Variants in HS6ST3 observed in about 807,000 individuals in gnomAD.
The protein encoded by HS6ST3 is heparan-sulfate 6-O-sulfotransferase 3.
A neutral mutation model predicts 36.7 loss-of-function variants in HS6ST3; 12 were observed. That is an observed-to-expected ratio of 0.33 (90% CI 0.21 to 0.53). The LOEUF is 0.53. HS6ST3 is among the 20% of genes least tolerant of loss of function. The pLI is 0.95. For synonymous variants in HS6ST3, 240 were observed against 257.5 expected, an observed-to-expected ratio of 0.93 and a Z score of 0.65; for missense variants, 584 against 640.9, an observed-to-expected ratio of 0.91 and a Z score of 0.96.
At chr13:96,754,686 T>C (rs1876780976) in intron 1 of HS6ST3, among the ~76,000 whole-genome samples, 3 of 152,210 alleles carry the variant, frequency 2.0e-5, no homozygotes, top group Non-Finnish European at 4.4e-5. Context: ...TCTTCTGGCT[T>C]CCAGTGTTTC....
At chr13:96,612,114 G>A (rs2056458992) in intron 1 of HS6ST3, among the ~76,000 whole-genome samples, 1 of 152,090 alleles carries the variant, frequency 6.6e-6, no homozygotes, top group South Asian at 2.1e-4. Context: ...AGATATGGTG[G>A]GCAAAGAATG....
intron 1 of HS6ST3, among the ~76,000 whole-genome samples, chr13:96,815,690 G>A (rs1401278033): frequency 6.6e-6 from 1 of 152,016 alleles, no homozygotes; most frequent in African/African-American, 2.4e-5. Context: ...GATGCACTAC[G>A]AAAGGGGAAG....
intron 1 of HS6ST3, among the ~76,000 whole-genome samples, chr13:96,230,639 G>A (rs570163140): frequency 6.6e-6 from 1 of 152,156 alleles, no homozygotes; most frequent in Non-Finnish European, 1.5e-5. Context: ...GAGCATAGGA[G>A]CAGTATGGAA....
intron 1 of HS6ST3, among the ~76,000 whole-genome samples, chr13:96,769,284 C>T (rs1877197847): frequency 6.6e-6 from 1 of 152,030 alleles, no homozygotes; most frequent in Non-Finnish European, 1.5e-5. Flanking sequence ...TGAGAACATT[C>T]CTGACTTTAT....
At position 96,835,625 on chromosome 13, in the gene HS6ST3, A is replaced by ACACACC. The variant is rs1265285028; in HGVS notation, c.*2432_*2433insCCACAC. 185 of 152,276 alleles carry ACACACC rather than the reference A, an allele frequency of 1.2e-3. 2 individuals carry two copies. Among genetic ancestry groups the ACACACC allele is most frequent in the African/African-American group, 4.3e-3 (179 of 41,438 alleles). 9.4% of individuals were successfully genotyped at this position (152,276 alleles called of 1,614,324 possible). On this transcript the variant is annotated 3_prime_UTR_variant, in exon 2 of 2. Coordinates refer to ENST00000376705, the MANE Select transcript of HS6ST3 (RefSeq NM_153456.4). ...CTGTGACACACACACACACACACAC[A>ACACACC]CACACACACAAACAATCCAGTGTTT...
chr13:96,579,126 A>C (rs2056332644), intron 1 of HS6ST3, among the ~76,000 whole-genome samples: 1 of 152,156 alleles, frequency 6.6e-6, no homozygotes, highest in African/African-American at 2.4e-5. Context: ...GATAGTATAT[A>C]TATATTTTAC....
At chr13:96,739,314 A>G (rs1433979435) in intron 1 of HS6ST3, among the ~76,000 whole-genome samples, 1 of 150,656 alleles carries the variant, frequency 6.6e-6, no homozygotes, top group Non-Finnish European at 1.5e-5. Flanking sequence ...TCACAGCCTC[A>G]AATATCACCT....
At chr13:96,094,240 A>G (rs993197381) in intron 1 of HS6ST3, among the ~76,000 whole-genome samples, 3 of 152,208 alleles carry the variant, frequency 2.0e-5, no homozygotes, top group Non-Finnish European at 4.4e-5. Flanking sequence ...AAATGAATCA[A>G]TGCATGCAAA....
chr13:96,396,372 A>C (rs2139454853), intron 1 of HS6ST3, among the ~76,000 whole-genome samples: 1 of 152,088 alleles, frequency 6.6e-6, no homozygotes, highest in East Asian at 1.9e-4. Flanking sequence ...CATCTATAGG[A>C]TATCTAGTAT....
chr13:96,593,174 CTTTTTTTTTTTTTTTTTTT>C (rs35380296), intron 1 of HS6ST3, among the ~76,000 whole-genome samples: 1 of 46,622 alleles, frequency 2.1e-5, no homozygotes, highest in East Asian at 8.6e-4. Flanking sequence ...TTCTTTCTTT[CTTTTTTTTTTTTTTTTTTT>C]TTTTTTTTGA....
chr13:96,816,949 C>T (rs1202074413), intron 1 of HS6ST3, among the ~76,000 whole-genome samples: 1 of 152,042 alleles, frequency 6.6e-6, no homozygotes, highest in Non-Finnish European at 1.5e-5. Context: ...TTATTCTGCC[C>T]AGGTGTGGTA....
intron 1 of HS6ST3, among the ~76,000 whole-genome samples, chr13:96,766,029 A>C (rs2138503864): frequency 6.6e-6 from 1 of 152,344 alleles, no homozygotes; most frequent in East Asian, 1.9e-4. Flanking sequence ...TCAATCAGTC[A>C]GAGCTACTAA....
intron 1 of HS6ST3, among the ~76,000 whole-genome samples, chr13:96,105,414 G>T (rs2053837177): frequency 6.6e-6 from 1 of 152,186 alleles, no homozygotes; most frequent in Non-Finnish European, 1.5e-5. Context: ...ACTTTGGGAG[G>T]CTGAGGCAGG....
At chr13:96,794,476 G>A (rs1354328546) in intron 1 of HS6ST3, among the ~76,000 whole-genome samples, 3 of 152,026 alleles carry the variant, frequency 2.0e-5, no homozygotes, top group African/African-American at 7.2e-5. Flanking sequence ...TTGTGGCCAA[G>A]TTTTTAAAAT....
chr13:96,402,929 AG>A (rs2055458923), intron 1 of HS6ST3, among the ~76,000 whole-genome samples: 1 of 152,210 alleles, frequency 6.6e-6, no homozygotes, highest in Non-Finnish European at 1.5e-5. Flanking sequence ...GGTAACACCT[AG>A]GAGTAGAATC....
chr13:96,237,738 C>T (rs2054541266), intron 1 of HS6ST3, among the ~76,000 whole-genome samples: 3 of 152,184 alleles, frequency 2.0e-5, no homozygotes, highest in African/African-American at 7.2e-5. Flanking sequence ...TGGGTTAATT[C>T]GGTGGACACA....
At chr13:96,518,338 C>T (rs200346543) in intron 1 of HS6ST3, among the ~76,000 whole-genome samples, 1 of 152,020 alleles carries the variant, frequency 6.6e-6, no homozygotes, top group African/African-American at 2.4e-5. Flanking sequence ...TTCTTATTCC[C>T]TTTTTTATGG....
intron 1 of HS6ST3, among the ~76,000 whole-genome samples, chr13:96,336,083 TAG>T (rs973553220): frequency 1.3e-5 from 2 of 152,210 alleles, no homozygotes; most frequent in African/African-American, 4.8e-5. Context: ...AAATGATATA[TAG>T]AGAGTATTAC....
chr13:96,412,815 G>A (rs1399275009), intron 1 of HS6ST3, among the ~76,000 whole-genome samples: 4 of 150,792 alleles, frequency 2.7e-5, no homozygotes, highest in African/African-American at 9.7e-5. Flanking sequence ...TTCCATGTTA[G>A]AATACATGTT....
Sources: allele counts gnomAD v4.1 joint callset (sites outside exome capture counted in the v4.1 genomes callset), GRCh38; gene constraint gnomAD v4.1.1; transcripts MANE v1.5; gene names NCBI Gene and HGNC (gene_info 2026-07-23, HGNC 2026-07-21).